LATS2: variants seen among roughly 807,000 people sequenced by gnomAD.
LATS2 encodes serine/threonine-protein kinase LATS2.
LATS2 carries 24 observed loss-of-function variants against 76.0 expected under a neutral mutation model. The observed-to-expected ratio is 0.32, with a 90% CI of 0.23 to 0.44. The LOEUF (loss-of-function observed/expected upper bound fraction) is 0.44, where lower values mean the gene tolerates loss of function less well. Among genes scored for constraint, LATS2 ranks in the 20% least tolerant of loss-of-function variants. LATS2 has a pLI of 1.00. For synonymous variants in LATS2, 692 were observed against 635.4 expected (o/e 1.09, Z -1.34); for missense variants, 1,286 against 1,481.2 (o/e 0.87, Z 2.16).
intron 2 of LATS2, among the ~76,000 whole-genome samples, chr13:21,001,035 T>C (rs1218515529): frequency 6.6e-6 from 1 of 152,244 alleles, no homozygotes; most frequent in Non-Finnish European, 1.5e-5. Flanking sequence ...CAAAACTGCC[T>C]GTACTATCTA....
At chr13:21,052,502 C>A (rs1473262858) in intron 1 of LATS2, among the ~76,000 whole-genome samples, 7 of 152,074 alleles carry the variant, frequency 4.6e-5, no homozygotes, top group Non-Finnish European at 8.8e-5. Context: ...AGGCGTGCAC[C>A]ACCACACTCG....
intron 2 of LATS2, among the ~76,000 whole-genome samples, chr13:21,042,472 G>C (rs1359210453): frequency 6.6e-6 from 1 of 152,184 alleles, no homozygotes; most frequent in Non-Finnish European, 1.5e-5. Context: ...AAGGCCGCTT[G>C]AGTCTGGAAG....
chr13:21,057,060 G>A (rs9552338), intron 1 of LATS2, among the ~76,000 whole-genome samples: 9,744 of 152,224 alleles, frequency 0.064, 935 homozygotes, highest in East Asian at 0.43. Flanking sequence ...AACCATGTTG[G>A]CCCTTAGCAT....
chr13:20,991,232 C>T lies in LATS2; in HGVS notation c.475+40G>A. 3 of 1,612,710 alleles carry T rather than the reference C, an allele frequency of 1.9e-6. No homozygotes were observed. The highest frequency in any genetic ancestry group is 1.1e-5 in the South Asian group (1 of 90,872). On this transcript the variant is annotated intron_variant, in intron 3 of 7. Coordinates refer to ENST00000382592, the MANE Select transcript of LATS2 (RefSeq NM_014572.3). The surrounding 1 kb of genome is among the most constrained non-coding windows in gnomAD (Gnocchi z 4.9). ...ACGTGGTTTTGTTGTCCTTAAGCCA[C>T]AAACCATCTTTGCCCACTATGCTGC...
chr13:21,019,429 C>A (rs1483922657), intron 2 of LATS2, among the ~76,000 whole-genome samples: 1 of 149,112 alleles, frequency 6.7e-6, no homozygotes, highest in African/African-American at 2.4e-5. Context: ...CGGGTTCAAG[C>A]GATTCTCCTG....
intron 1 of LATS2, among the ~76,000 whole-genome samples, chr13:21,052,929 C>G (rs1873325112): frequency 6.6e-6 from 1 of 152,106 alleles, no homozygotes; most frequent in Non-Finnish European, 1.5e-5. Flanking sequence ...CAAAACCTTT[C>G]TCTCAGCTAG....
At chr13:21,005,805 A>AT (rs55779457) in intron 2 of LATS2, 3,183 of 126,386 alleles carry the variant, frequency 0.025, 194 homozygotes, top group African/African-American at 0.092. Context: ...CCCCTACTCT[A>AT]TAAAAAAAAA....
chr13:20,994,518 C>A (rs894244677), intron 2 of LATS2, among the ~76,000 whole-genome samples: 3 of 152,156 alleles, frequency 2.0e-5, no homozygotes, highest in African/African-American at 7.2e-5. Flanking sequence ...AGGTCGGAGC[C>A]AGGATGCGGG....
At chr13:20,998,257 G>GGCAGGAA (rs1170886024) in intron 2 of LATS2, among the ~76,000 whole-genome samples, 2 of 152,180 alleles carry the variant, frequency 1.3e-5, no homozygotes, top group African/African-American at 4.8e-5. Context: ...GGGAGGCTGA[G>GGCAGGAA]GCAGGAATCA....
At chr13:21,015,372 G>A (rs1007988252) in intron 2 of LATS2, among the ~76,000 whole-genome samples, 1 of 152,122 alleles carries the variant, frequency 6.6e-6, no homozygotes, top group African/African-American at 2.4e-5. Context: ...GGACCCTAGT[G>A]GGGACTGGAC....
intron 2 of LATS2, among the ~76,000 whole-genome samples, chr13:21,013,701 C>G (rs955000130): frequency 6.6e-6 from 1 of 152,136 alleles, no homozygotes; most frequent in Non-Finnish European, 1.5e-5. Flanking sequence ...TGCAGCGGCT[C>G]GAGCCTGCAA....
chr13:21,057,215 T>C (rs545408408), intron 1 of LATS2, among the ~76,000 whole-genome samples: 16 of 152,332 alleles, frequency 1.1e-4, no homozygotes, highest in African/African-American at 3.6e-4. Context: ...CACTACAAGA[T>C]TCTAACAATC....
intron 2 of LATS2, among the ~76,000 whole-genome samples, chr13:21,025,089 A>G (rs1342746440): frequency 6.6e-6 from 1 of 151,724 alleles, no homozygotes; most frequent in East Asian, 1.9e-4. Flanking sequence ...ACTACTTGCT[A>G]CTCCCATGAA....
intron 1 of LATS2, among the ~76,000 whole-genome samples, chr13:21,049,139 T>C (rs115851659): frequency 0.024 from 3,669 of 152,238 alleles, 130 homozygotes; most frequent in African/African-American, 0.084. Flanking sequence ...CAATGCAGGC[T>C]CTTCCTGGAG....
At position 20,981,548 on chromosome 13, in the gene LATS2, C is replaced by T. The variant is rs771556703; in HGVS notation, c.2583G>A (p.Ala861=). ...GDRLKTLEQR[A]RKQHQRCLAH... is the part of the protein sequence containing the mutation. Reference sequence around the variant, plus strand: ...CCAGGCACCTCTGGTGCTGCTTCCGCGCCCTCTGCTCTAGGGTCTTCAGCC... The same window carrying T: ...CCAGGCACCTCTGGTGCTGCTTCCGTGCCCTCTGCTCTAGGGTCTTCAGCC... Residue 861 remains alanine, a synonymous_variant, in exon 6 of 8, where the codon GCG becomes GCA. Transcript: ENST00000382592. 53 of 1,614,208 alleles carry T rather than the reference C, an allele frequency of 3.3e-5. 1 individual carries two copies. In the South Asian group the frequency reaches 3.6e-4, roughly 11 times the overall value.
At chr13:21,009,012 TACA>T (rs562056006) in intron 2 of LATS2, among the ~76,000 whole-genome samples, 5 of 152,224 alleles carry the variant, frequency 3.3e-5, no homozygotes, top group East Asian at 1.9e-4. Context: ...GTTTTAACAG[TACA>T]ACAAGGCCCA....
At chr13:20,977,717 G>A (rs1215823962) in intron 7 of LATS2, among the ~76,000 whole-genome samples, 1 of 151,694 alleles carries the variant, frequency 6.6e-6, no homozygotes, top group Non-Finnish European at 1.5e-5. Flanking sequence ...ATAATTAGAT[G>A]GTAAATTTTA....
intron 2 of LATS2, among the ~76,000 whole-genome samples, chr13:20,998,715 G>C (rs1337107237): frequency 6.6e-6 from 1 of 151,930 alleles, no homozygotes; most frequent in Non-Finnish European, 1.5e-5. Flanking sequence ...ATCTTGGGCA[G>C]GTGGGGCCCC....
At chr13:20,975,385 A>G (rs1433695189) in intron 7 of LATS2, 21 bp from the exon 8 acceptor site, 6 of 1,528,666 alleles carry the variant, frequency 3.9e-6, no homozygotes, top group Non-Finnish European at 5.3e-6. Flanking sequence ...AACAGAGCCA[A>G]CAGGTTAGTT....
Sources: gnomAD v4.1 joint callset for allele counts (sites outside exome capture counted in the v4.1 genomes callset) on GRCh38, gnomAD v4.1.1 for gene constraint, Gnocchi (gnomAD v3.1) non-coding constraint, MANE v1.5 for transcripts, NCBI Gene and HGNC (gene_info 2026-07-23, HGNC 2026-07-21) for gene names.